RAI14: variants seen among roughly 807,000 people sequenced by gnomAD.
The protein encoded by RAI14 is retinoic acid induced 14.
In RAI14, 45 loss-of-function variants were observed where a neutral mutation model predicts 115.4. That is an observed-to-expected ratio of 0.39 (90% confidence interval 0.31 to 0.50). The LOEUF (loss-of-function observed/expected upper bound fraction) is 0.50. Ranked by LOEUF, RAI14 falls within the 20% of genes least tolerant of loss-of-function variation. RAI14 has a pLI of 0.85. For missense variants in RAI14, 939 were observed against 1,131.2 expected, an observed-to-expected ratio of 0.83 and a Z score of 2.44; for synonymous variants, 371 against 415.4, an observed-to-expected ratio of 0.89 and a Z score of 1.30.
At chr5:34,696,683 T>C (rs1413510694) in intron 2 of RAI14, among the ~76,000 whole-genome samples, 1 of 152,206 alleles carries the variant, frequency 6.6e-6, no homozygotes, top group Non-Finnish European at 1.5e-5. Flanking sequence ...TGTGCACAAA[T>C]GTTCTTAAAC....
chr5:34,827,537 T>C lies in RAI14; in HGVS notation c.2799+1058T>C, dbSNP rs1297695573. ...ACAGAACATGGATTTGATGATTTCT[T>C]CGGAATAGACCTAACTGTAGTGAAT... On this transcript the variant is annotated intron_variant, in intron 16 of 17. Coordinates refer to ENST00000265109, the MANE Select transcript of RAI14 (RefSeq NM_015577.3). This position sits in a 1 kb window ranked among gnomAD's most constrained non-coding sequence, Gnocchi z 4.2. Among the ~76,000 whole-genome samples the C allele has an allele frequency of 2.0e-5, 3 of 152,184 alleles. No homozygotes were observed. The highest frequency in any genetic ancestry group is 7.2e-5 in the African/African-American group (3 of 41,450).
At chr5:34,830,094 C>T (rs1297232509) in intron 17 of RAI14, among the ~76,000 whole-genome samples, 4 of 152,122 alleles carry the variant, frequency 2.6e-5, no homozygotes, top group South Asian at 2.1e-4. Context: ...AAGTGATCCT[C>T]CCACCTTAGC....
At chr5:34,826,750 T>C (rs928077009) in intron 16 of RAI14, among the ~76,000 whole-genome samples, 1 of 152,210 alleles carries the variant, frequency 6.6e-6, no homozygotes, top group African/African-American at 2.4e-5. Flanking sequence ...TGCTCACTCA[T>C]ACCCTAACTT....
intron 2 of RAI14, among the ~76,000 whole-genome samples, chr5:34,732,338 G>A (rs1214291667): frequency 6.6e-6 from 1 of 152,076 alleles, no homozygotes; most frequent in Non-Finnish European, 1.5e-5. Context: ...GGCAATGGGT[G>A]TGCAGAGTCA....
rs185616573 is a variant in RAI14 at position 34,765,519 on chromosome 5, T to C, written c.167+7921T>C. On this transcript the variant is annotated intron_variant, in intron 3 of 17. Transcript: ENST00000265109. ...TGGCATTTTGCCCCTGCCCTAGTGA[T>C]TTGTGGAAATTTGAACTTGAGAAAG... Among the ~76,000 whole-genome samples the C allele has an allele frequency of 1.6e-3, 241 of 152,278 alleles. 1 individual carries two copies. Among genetic ancestry groups the C allele is most frequent in the African/African-American group, 5.5e-3 (230 of 41,564 alleles).
chr5:34,810,989 C>T, intron 7 of RAI14, 23 bp from the exon 8 acceptor site: 2 of 1,610,198 alleles, frequency 1.2e-6, no homozygotes, highest in South Asian at 1.1e-5. Context: ...GAGGTAAAAT[C>T]TAAATCTGAA....
chr5:34,729,738 A>G (rs1743943820), intron 2 of RAI14, among the ~76,000 whole-genome samples: 1 of 152,146 alleles, frequency 6.6e-6, no homozygotes, highest in South Asian at 2.1e-4. Flanking sequence ...ATTAAAAGAA[A>G]AGGGGGTTGG....
chr5:34,746,366 A>G (rs1482690853), intron 2 of RAI14, among the ~76,000 whole-genome samples: 1 of 147,666 alleles, frequency 6.8e-6, no homozygotes, highest in African/African-American at 2.5e-5. Flanking sequence ...CAGCCTCCCA[A>G]AGTGCTGGGA....
At chr5:34,701,386 C>A (rs967141828) in intron 2 of RAI14, among the ~76,000 whole-genome samples, 1 of 151,870 alleles carries the variant, frequency 6.6e-6, no homozygotes, top group Non-Finnish European at 1.5e-5. Flanking sequence ...TCTTCCAGAC[C>A]CTCCCAAATT....
rs563609187 is a variant in RAI14 at position 34,678,192 on chromosome 5, G to C, written c.-48-8680G>C. On this transcript the variant is annotated intron_variant, in intron 1 of 17. Transcript: ENST00000265109. ...GGCTCACCGCAACCTCCACTTCCCA[G>C]GTTTAAGCAATCCTCATGCCTCAGC... 1.3e-4 allele frequency among the ~76,000 whole-genome samples: 20 copies of C among 151,986 alleles called. No homozygotes were observed. The South Asian group carries it at 4.0e-3, about 30-fold the overall frequency.
intron 2 of RAI14, chr5:34,688,442 G>T: frequency 2.1e-6 from 1 of 465,718 alleles, no homozygotes; most frequent in Non-Finnish European, 3.7e-6. Flanking sequence ...AGGAATGATA[G>T]GCACATAAAC....
At chr5:34,737,885 C>T (rs116487640) in intron 2 of RAI14, among the ~76,000 whole-genome samples, 22,490 of 152,254 alleles carry the variant, frequency 0.15, 2,255 homozygotes, top group Non-Finnish European at 0.2. Context: ...AGAGCAGTGT[C>T]ATGGACATAT....
At chr5:34,766,369 G>A (rs955373296) in intron 3 of RAI14, among the ~76,000 whole-genome samples, 5 of 152,164 alleles carry the variant, frequency 3.3e-5, no homozygotes, top group East Asian at 1.9e-4. Flanking sequence ...CCACAGGGGC[G>A]GAGCTGCACA....
rs575390775 is a variant in RAI14, at chr5:34,783,977, A to G, written c.168-11962A>G. On this transcript the variant is annotated intron_variant, in intron 3 of 17. Coordinates refer to ENST00000265109, the MANE Select transcript of RAI14 (RefSeq NM_015577.3). ...GTCCACACATACATGTACATAAGCTAGTCTCCCAAATGAGGGAACATGTGT... is the reference window on the plus strand; with the variant it reads ...GTCCACACATACATGTACATAAGCTGGTCTCCCAAATGAGGGAACATGTGT... Among the ~76,000 whole-genome samples, 775 of 152,328 alleles carry G rather than the reference A, an allele frequency of 5.1e-3. 12 individuals carry two copies. The highest frequency in any genetic ancestry group is 0.018 in the African/African-American group (745 of 41,566).
intron 2 of RAI14, among the ~76,000 whole-genome samples, chr5:34,745,352 G>A (rs1004233728): frequency 6.6e-6 from 1 of 151,974 alleles, no homozygotes; most frequent in Non-Finnish European, 1.5e-5. Context: ...GCTTATACTG[G>A]GCCACCCTCA....
At chr5:34,762,979 G>T (rs936336986) in intron 3 of RAI14, among the ~76,000 whole-genome samples, 2 of 144,910 alleles carry the variant, frequency 1.4e-5, no homozygotes, top group Non-Finnish European at 3.0e-5. Flanking sequence ...GTGTGTGTAT[G>T]TGTCTGTATC....
At chr5:34,787,106 C>T (rs530347846) in intron 3 of RAI14, among the ~76,000 whole-genome samples, 62 of 152,282 alleles carry the variant, frequency 4.1e-4, no homozygotes, top group Admixed American at 3.3e-3. Context: ...ACCCTCATTC[C>T]GGTAAAACCA....
At position 34,791,996 on chromosome 5, in the gene RAI14, T is replaced by C. The variant is rs1752963418; in HGVS notation, c.168-3943T>C. 2.0e-5 allele frequency among the ~76,000 whole-genome samples: 3 copies of C among 152,174 alleles called. No homozygotes were observed. The highest frequency in any genetic ancestry group is 4.1e-4 in the South Asian group (2 of 4,834). On this transcript the variant is annotated intron_variant, in intron 3 of 17. Transcript: ENST00000265109. This position sits in a 1 kb window ranked among gnomAD's most constrained non-coding sequence, Gnocchi z 5.4. Reference sequence around the variant, plus strand: ...ATGCAGTTCATTAGGGGACTGCCTCTGGGTAGAGGGCAGACCTGGAGGGGC... The same window carrying C: ...ATGCAGTTCATTAGGGGACTGCCTCCGGGTAGAGGGCAGACCTGGAGGGGC...
chr5:34,777,314 T>A (rs1750986731), intron 3 of RAI14, among the ~76,000 whole-genome samples: 1 of 152,146 alleles, frequency 6.6e-6, no homozygotes, highest in South Asian at 2.1e-4. Flanking sequence ...TGTGGTACCA[T>A]ATACACAATG....
Sources: allele counts gnomAD v4.1 joint callset (sites outside exome capture counted in the v4.1 genomes callset), GRCh38; gene constraint gnomAD v4.1.1; non-coding constraint Gnocchi (gnomAD v3.1); transcripts MANE v1.5; gene names NCBI Gene and HGNC (gene_info 2026-07-23, HGNC 2026-07-21).